Variants in UFSP2 observed in about 807,000 individuals in gnomAD.
UFSP2 encodes the protein UFM1 specific peptidase 2, also known as ufm1-specific protease 2.
UFSP2 carries 43 observed loss-of-function variants against 60.2 expected under a neutral mutation model. The ratio of observed to expected loss-of-function variants is 0.71; its 90% confidence interval spans 0.56 to 0.92. The LOEUF (loss-of-function observed/expected upper bound fraction) is 0.92, where lower values mean the gene tolerates loss of function less well. Among genes scored for constraint, UFSP2 ranks in the 40% least tolerant of loss-of-function variants. The pLI is 0.00. For missense variants in UFSP2, 520 were observed against 575.0 expected (o/e 0.90, Z 0.98); for synonymous variants, 183 against 195.1 (o/e 0.94, Z 0.52).
At chr4:185,415,389 T>C (rs773122105) in intron 5 of UFSP2, 42 bp from the exon 6 acceptor site, 6 of 1,470,050 alleles carry the variant, frequency 4.1e-6, no homozygotes, top group Non-Finnish European at 4.5e-6. Flanking sequence ...AAAGTTATAG[T>C]GACTACAATA....
chr4:185,421,808 C>A (rs1243342622), intron 2 of UFSP2, among the ~76,000 whole-genome samples: 3 of 152,216 alleles, frequency 2.0e-5, no homozygotes, highest in Non-Finnish European at 2.9e-5. Context: ...TGAGTGATTT[C>A]ATTTATAATG....
chr4:185,405,721 T>C lies in UFSP2; in HGVS notation c.1198+59A>G, dbSNP rs897529486. 1.8e-5 allele frequency: 27 copies of C among 1,533,158 alleles called. No individual in the cohort carries two copies. In the Admixed American group the frequency reaches 3.7e-4, roughly 21 times the overall value. The allele number at this position is 1,533,158 out of a possible 1,614,324, so 95.0% of individuals were successfully genotyped here. ...TTTTATGCAACATTAAATATTTATA[T>C]CAATGATAAGTTTTGCATATTACTC... On this transcript the variant is annotated intron_variant, in intron 10 of 11. Transcript: ENST00000264689.
intron 2 of UFSP2, among the ~76,000 whole-genome samples, chr4:185,419,195 G>A (rs566264786): frequency 6.1e-4 from 92 of 151,866 alleles, no homozygotes; most frequent in African/African-American, 1.9e-3. Flanking sequence ...GCAGTGGCGC[G>A]ATCTGGGCTC....
intron 7 of UFSP2, among the ~76,000 whole-genome samples, chr4:185,410,100 TAGAA>T (rs2095526618): frequency 6.6e-6 from 1 of 151,990 alleles, no homozygotes; most frequent in African/African-American, 2.4e-5. Flanking sequence ...TAGTTTCACT[TAGAA>T]TTCTTTCTGA....
At chr4:185,404,050 A>G (rs1305247811) in intron 10 of UFSP2, among the ~76,000 whole-genome samples, 2 of 152,054 alleles carry the variant, frequency 1.3e-5, no homozygotes, top group Non-Finnish European at 2.9e-5. Context: ...CTACACTATA[A>G]AAGACACAAT....
chr4:185,411,238 T>C (rs1311990905), intron 7 of UFSP2, among the ~76,000 whole-genome samples: 1 of 151,708 alleles, frequency 6.6e-6, no homozygotes, highest in East Asian at 1.9e-4. Context: ...CAAAAAGTCC[T>C]AAAGCTGTTA....
At chr4:185,417,505 T>G (rs146059847) in intron 4 of UFSP2, among the ~76,000 whole-genome samples, 1 of 152,168 alleles carries the variant, frequency 6.6e-6, no homozygotes, top group Admixed American at 6.5e-5. Flanking sequence ...TCCCTAAATA[T>G]CTCTTGTATG....
At chr4:185,422,767 C>T (rs2095551790) in intron 1 of UFSP2, among the ~76,000 whole-genome samples, 1 of 152,194 alleles carries the variant, frequency 6.6e-6, no homozygotes, top group South Asian at 2.1e-4. Context: ...AACCTTTGTT[C>T]TATACTGAAA....
intron 11 of UFSP2, among the ~76,000 whole-genome samples, chr4:185,401,230 G>A (rs541816439): frequency 5.9e-5 from 9 of 152,216 alleles, no homozygotes; most frequent in African/African-American, 1.4e-4. Context: ...TAAGATACAC[G>A]TTGTCAAAAA....
At chr4:185,407,256 G>A (rs1246241305) in intron 9 of UFSP2, among the ~76,000 whole-genome samples, 1 of 151,394 alleles carries the variant, frequency 6.6e-6, no homozygotes, top group South Asian at 2.1e-4. Flanking sequence ...GTTTTGCTCT[G>A]CTGGCCAGGC....
intron 9 of UFSP2, 95 bp downstream of exon 9, chr4:185,407,838 AAAG>A: frequency 1.5e-6 from 2 of 1,305,444 alleles, no homozygotes; most frequent in Non-Finnish European, 2.1e-6. Context: ...AAAGGAATAA[AAAG>A]AAATAAGGGA....
chr4:185,402,484 CT>C (rs934657819), intron 11 of UFSP2: 41 of 287,002 alleles, frequency 1.4e-4, no homozygotes, highest in East Asian at 3.4e-4. Flanking sequence ...ACATTAAAAA[CT>C]TTTTTTTGAG....
At chr4:185,422,016 G>T (rs186762338) in intron 2 of UFSP2, among the ~76,000 whole-genome samples, 8 of 152,288 alleles carry the variant, frequency 5.3e-5, no homozygotes, top group African/African-American at 1.9e-4. Context: ...TGTGGCTGTA[G>T]TTCAAGTCAG....
chr4:185,406,509 T>C (rs544367666), intron 9 of UFSP2, among the ~76,000 whole-genome samples: 5 of 152,320 alleles, frequency 3.3e-5, no homozygotes, highest in African/African-American at 9.6e-5. Context: ...GAGGAACGTA[T>C]GTTTTAATGT....
Position 185,415,227 on chromosome 4 carries a change from T to C in UFSP2, c.612A>G (p.Pro204=). Residue 204 remains proline (P), a synonymous_variant, in exon 6 of 12, where the codon CCA becomes CCG. Coordinates refer to ENST00000264689, the MANE Select transcript of UFSP2 (RefSeq NM_018359.5). ...AAATTGTTACAAGATTTTTTTTCCC[T>C]GGTAATAAAAAGTGCAGTGGTTCAG... The part of the protein sequence containing the change: ...VVPEPLHFLL[P]GKKNLVTISY... The C allele has an allele frequency of 1.2e-6, 2 of 1,606,468 alleles. No individual in the cohort carries two copies. The highest frequency in any genetic ancestry group is 1.7e-6 in the Non-Finnish European group (2 of 1,178,512).
chr4:185,400,704 TAAA>T (rs971181848), intron 11 of UFSP2: 2 of 390,864 alleles, frequency 5.1e-6, no homozygotes, highest in Non-Finnish European at 4.5e-6. Flanking sequence ...TAAAAATCAT[TAAA>T]AAAAATTTAC....
At chr4:185,413,579 T>TA in intron 7 of UFSP2, 147 bp downstream of exon 7, 1 of 742,716 alleles carries the variant, frequency 1.3e-6, no homozygotes, top group South Asian at 2.8e-5. Flanking sequence ...ACTGCTATCT[T>TA]AAGCAATGTC....
Position 185,400,317 on chromosome 4 carries a change from T to C in UFSP2, c.*75A>G, listed in dbSNP as rs1161389746. On this transcript the variant is annotated 3_prime_UTR_variant, in exon 12 of 12. Transcript: ENST00000264689. The stretch of plus-strand genomic sequence containing the variant: ...TCGTCAAACTAGAACCAGGATTTAA[T>C]GTGAAAAATTAAACTGATTCTTTAT... 8.4e-7 allele frequency: 1 copy of C among 1,192,102 alleles called. No homozygotes were observed. The highest frequency in any genetic ancestry group is 1.2e-6 in the Non-Finnish European group (1 of 823,988). 73.8% of individuals were successfully genotyped at this position (1,192,102 alleles called of 1,614,324 possible).
intron 10 of UFSP2, 29 bp downstream of exon 10, chr4:185,405,747 ACTCT>A: frequency 1.2e-6 from 2 of 1,600,330 alleles, no homozygotes; most frequent in Non-Finnish European, 8.5e-7. Context: ...CATATTACTC[ACTCT>A]ACCAAAAACA....
Sources: gnomAD v4.1 joint callset for allele counts (sites outside exome capture counted in the v4.1 genomes callset) on GRCh38, gnomAD v4.1.1 for gene constraint, MANE v1.5 for transcripts, NCBI Gene and HGNC (gene_info 2026-07-23, HGNC 2026-07-21) for gene names.